Variants in C11orf65 observed in about 807,000 individuals in gnomAD.
C11orf65 encodes protein MFI.
In C11orf65, 38 loss-of-function variants were observed where a neutral mutation model predicts 35.3. The observed-to-expected ratio is 1.08, with a 90% CI of 0.83 to 1.41. The LOEUF (loss-of-function observed/expected upper bound fraction) is 1.41, where lower values mean the gene tolerates loss of function less well. Among genes scored for constraint, C11orf65 ranks in the 40% most tolerant of loss-of-function variants. C11orf65 has a pLI of 0.00. For synonymous variants in C11orf65, 105 were observed against 114.4 expected, an observed-to-expected ratio of 0.92 and a Z score of 0.53; for missense variants, 370 against 367.1, an observed-to-expected ratio of 1.01 and a Z score of -0.06.
At chr11:108,374,647 G>C (rs1258220214) in intron 2 of C11orf65, among the ~76,000 whole-genome samples, 1 of 152,246 alleles carries the variant, frequency 6.6e-6, no homozygotes. Flanking sequence ...GAATGACTTT[G>C]ACGAGTTGAG....
At chr11:108,394,564 G>A (rs1031377752) in intron 6 of C11orf65, among the ~76,000 whole-genome samples, 1 of 152,160 alleles carries the variant, frequency 6.6e-6, no homozygotes, top group Non-Finnish European at 1.5e-5. Context: ...ATAATGAGCT[G>A]AGTAACTAGA....
Position 108,341,843 on chromosome 11 carries a change from G to A in C11orf65, c.227-6551C>T, listed in dbSNP as rs569247391. On this transcript the variant is annotated intron_variant, in intron 2 of 3. Transcript: ENST00000524755. ...AAAGCCTGACAATATTAAGTATTGC[G>A]AAAGTTATGGAATAACTCTACTGGT... Among the ~76,000 whole-genome samples, 43 of 152,264 alleles carry A rather than the reference G, an allele frequency of 2.8e-4. No homozygotes were observed. The South Asian group carries it at 7.0e-3, about 25-fold the overall frequency.
chr11:108,313,331 C>G (rs1048148319), intron 6 of C11orf65, among the ~76,000 whole-genome samples: 2 of 152,144 alleles, frequency 1.3e-5, no homozygotes, highest in Middle Eastern at 3.2e-3. Context: ...TCCCTATGTT[C>G]TCTTTTAGGT....
At chr11:108,444,143 C>T (rs951513411) in intron 2 of C11orf65, among the ~76,000 whole-genome samples, 2 of 152,004 alleles carry the variant, frequency 1.3e-5, no homozygotes, top group African/African-American at 4.8e-5. Context: ...GGGATATCAC[C>T]ACCGATCCCA....
chr11:108,331,127 A>T (rs1378161711), downstream of C11orf65: 2 of 1,052,962 alleles, frequency 1.9e-6, no homozygotes, highest in Admixed American at 4.9e-5. Context: ...CTTCTCAGGA[A>T]TCAAGATCAC....
intron 2 of C11orf65, among the ~76,000 whole-genome samples, 160 bp from the exon 3 acceptor site, chr11:108,431,998 A>G (rs765739996): frequency 3.9e-5 from 6 of 152,216 alleles, no homozygotes; most frequent in African/African-American, 7.2e-5. Flanking sequence ...GTTTGCTTTG[A>G]TAACCCTAGT....
chr11:108,358,121 T>C (rs1427013443), intron 2 of C11orf65, among the ~76,000 whole-genome samples: 6 of 150,978 alleles, frequency 4.0e-5, no homozygotes, highest in African/African-American at 7.3e-5. Flanking sequence ...GAGCTGAAAA[T>C]CAAGGCTCGA....
At chr11:108,382,130 G>A (rs1325152357), downstream of C11orf65, among the ~76,000 whole-genome samples, 1 of 152,102 alleles carries the variant, frequency 6.6e-6, no homozygotes, top group Non-Finnish European at 1.5e-5. Flanking sequence ...AATCTTTACT[G>A]CAACCTCCTG....
chr11:108,366,539 T>C (rs2091341957), intron 2 of C11orf65: 1 of 229,202 alleles, frequency 4.4e-6, no homozygotes, highest in Non-Finnish European at 8.7e-6. Context: ...TTTTGTCTTT[T>C]TGAAAAGTGA....
chr11:108,456,677 T>C (rs1342123726), intron 2 of C11orf65, among the ~76,000 whole-genome samples: 1 of 151,530 alleles, frequency 6.6e-6, no homozygotes, highest in African/African-American at 2.4e-5. Context: ...AACAGGAGGC[T>C]GAGGCAGGAG....
At position 108,450,977 on chromosome 11, in the gene C11orf65, T is replaced by C. The variant is rs369157589; in HGVS notation, c.81+10502A>G. ...CAACAGCTCTTCATGCTAAAAACTC[T>C]CAATAAACTAGGTACTGATGGGACG... On this transcript the variant is annotated intron_variant, in intron 2 of 8. Coordinates refer to ENST00000393084, the MANE Select transcript of C11orf65 (RefSeq NM_152587.5). Among the ~76,000 whole-genome samples the C allele has an allele frequency of 2.1e-3, 312 of 151,978 alleles. 7 individuals carry two copies. The highest frequency in any genetic ancestry group is 7.2e-3 in the African/African-American group (297 of 41,308).
At chr11:108,397,318 CAAAAA>C (rs375819570) in intron 6 of C11orf65, among the ~76,000 whole-genome samples, 1 of 87,212 alleles carries the variant, frequency 1.1e-5, no homozygotes, top group Non-Finnish European at 2.3e-5. Context: ...GACTCTTTCT[CAAAAA>C]AAAAAAAAAA....
Position 108,339,094 on chromosome 11 carries a change from T to C in C11orf65, c.227-3802A>G, listed in dbSNP as rs2087185986. On this transcript the variant is annotated intron_variant, in intron 2 of 3. Coordinates refer to the C11orf65 transcript ENST00000524755. Reference sequence around the variant, plus strand: ...ATATCTCTTGTCAGAGAGAATCAGATGGAAATGAAGACAGTTCTTATTGTG... The same window carrying C: ...ATATCTCTTGTCAGAGAGAATCAGACGGAAATGAAGACAGTTCTTATTGTG... 2.0e-5 allele frequency among the ~76,000 whole-genome samples: 3 copies of C among 152,336 alleles called. No individual in the cohort carries two copies. The South Asian group carries it at 6.2e-4, about 32-fold the overall frequency.
chr11:108,334,355 T>G (rs1458437905), intron 3 of C11orf65, among the ~76,000 whole-genome samples: 7 of 152,202 alleles, frequency 4.6e-5, no homozygotes, highest in Non-Finnish European at 2.9e-5. Flanking sequence ...CTGTGATATA[T>G]CACAGTATTA....
At chr11:108,352,910 A>G (rs2089384690) in intron 2 of C11orf65, among the ~76,000 whole-genome samples, 1 of 152,186 alleles carries the variant, frequency 6.6e-6, no homozygotes, top group Non-Finnish European at 1.5e-5. Context: ...CTGCTAGAAA[A>G]ATAGGGGGTC....
intron 2 of C11orf65, among the ~76,000 whole-genome samples, chr11:108,345,502 A>G (rs900503254): frequency 6.6e-6 from 1 of 152,174 alleles, no homozygotes; most frequent in African/African-American, 2.4e-5. Context: ...TTAGAATTTA[A>G]TCAAAACAAG....
chr11:108,352,251 G>A lies in C11orf65; in HGVS notation c.227-16959C>T, dbSNP rs1436667616. The stretch of plus-strand genomic sequence containing the variant: ...AGCAGCCATCATAAAAACACTGAAG[G>A]AACAATTACAAACATGCTTGAAACA... On this transcript the variant is annotated intron_variant, in intron 2 of 3. Transcript: ENST00000524755. Among the ~76,000 whole-genome samples the A allele has an allele frequency of 3.3e-5, 5 of 152,226 alleles. No individual in the cohort carries two copies. The South Asian group carries it at 6.2e-4, about 19-fold the overall frequency.
intron 3 of C11orf65, among the ~76,000 whole-genome samples, chr11:108,420,807 G>T (rs147825132): frequency 1.3e-5 from 2 of 151,966 alleles, no homozygotes; most frequent in African/African-American, 2.4e-5. Context: ...TAGAGATGGG[G>T]TCTCACTATG....
At chr11:108,357,003 C>T (rs916466847) in intron 2 of C11orf65, among the ~76,000 whole-genome samples, 1 of 152,186 alleles carries the variant, frequency 6.6e-6, no homozygotes, top group Admixed American at 6.5e-5. Flanking sequence ...ATGCAGAAGA[C>T]AGGTGATTTC....
Sources: gnomAD v4.1 joint callset for allele counts (sites outside exome capture counted in the v4.1 genomes callset) on GRCh38, gnomAD v4.1.1 for gene constraint, MANE v1.5 for transcripts, NCBI Gene and HGNC (gene_info 2026-07-23, HGNC 2026-07-21) for gene names.